The following VPS13B variants were observed in gnomAD, a reference collection of about 807,000 sequenced individuals.
VPS13B encodes the protein intermembrane lipid transfer protein VPS13B.
Under a neutral mutation model 426.4 loss-of-function variants are expected in VPS13B, and 285 were observed. The ratio of observed to expected loss-of-function variants is 0.67; its 90% confidence interval spans 0.61 to 0.74. The LOEUF is 0.74. VPS13B is among the 30% of genes least tolerant of loss of function. The pLI is 0.00. For synonymous variants in VPS13B, 1,676 were observed against 1,676.4 expected (o/e 1.00, Z 0.01); for missense variants, 4,537 against 4,782.6 (o/e 0.95, Z 1.51).
intron 31 of VPS13B, among the ~76,000 whole-genome samples, chr8:99,567,386 T>C (rs968020613): frequency 6.6e-6 from 1 of 152,096 alleles, no homozygotes; most frequent in Non-Finnish European, 1.5e-5. Flanking sequence ...CTTCTAGATA[T>C]TGTAATAAAT....
chr8:99,638,552 A>G (rs901427447), intron 33 of VPS13B, among the ~76,000 whole-genome samples: 1 of 152,194 alleles, frequency 6.6e-6, no homozygotes. Flanking sequence ...AGTCTTCACA[A>G]AGAAGGTGAA....
intron 21 of VPS13B, among the ~76,000 whole-genome samples, chr8:99,414,693 A>G (rs1041883298): frequency 1.7e-4 from 26 of 152,154 alleles, no homozygotes; most frequent in Admixed American, 6.5e-4. Context: ...CTTTGGCTGG[A>G]TATGAAATTT....
intron 19 of VPS13B, among the ~76,000 whole-genome samples, chr8:99,277,458 G>A (rs1395718748): frequency 2.0e-5 from 3 of 151,988 alleles, no homozygotes; most frequent in African/African-American, 7.2e-5. Flanking sequence ...TTAATCTTAT[G>A]TTCTTGTAAC....
In VPS13B at chr8:99,876,069, A is replaced by C. The variant is rs1817686148; in HGVS notation, c.*403A>C. ...ATTTTTGCTCTATGACACTTGCAAA[A>C]ATCTCTACTGTAATTAATTTGGGTC... On this transcript the variant is annotated 3_prime_UTR_variant, in exon 62 of 62. Coordinates refer to ENST00000357162, the MANE Select transcript of VPS13B (RefSeq NM_152564.5). 1 of 221,804 alleles carries C rather than the reference A, an allele frequency of 4.5e-6. No homozygotes were observed. The highest frequency in any genetic ancestry group is 8.8e-6 in the Non-Finnish European group (1 of 113,284). The allele number at this position is 221,804 out of a possible 1,614,324, so 13.7% of individuals were successfully genotyped here.
chr8:99,617,107 A>G (rs1828128886), intron 33 of VPS13B, among the ~76,000 whole-genome samples: 1 of 152,190 alleles, frequency 6.6e-6, no homozygotes, highest in Non-Finnish European at 1.5e-5. Context: ...AGATACACAT[A>G]TACACAAAAA....
At position 99,677,573 on chromosome 8, in the gene VPS13B, A is replaced by G. The variant is rs151304548; in HGVS notation, c.6046+16082A>G. On this transcript the variant is annotated intron_variant, in intron 35 of 61. Coordinates refer to ENST00000357162, the MANE Select transcript of VPS13B (RefSeq NM_152564.5). The stretch of plus-strand genomic sequence containing the variant: ...ACTTTTATTTTAGGAAGAAATGAGA[A>G]AAATTACCTAGCTGAAAATGGTGCC... Among the ~76,000 whole-genome samples the G allele has an allele frequency of 2.7e-3, 417 of 152,318 alleles. 3 individuals are homozygous for G. The highest frequency in any genetic ancestry group is 9.8e-3 in the African/African-American group (407 of 41,560).
chr8:99,381,697 A>G (rs978949098), intron 19 of VPS13B, among the ~76,000 whole-genome samples: 62 of 151,088 alleles, frequency 4.1e-4, no homozygotes, highest in African/African-American at 1.5e-3. Flanking sequence ...GGCCATATGT[A>G]TATCTTCTTT....
At chr8:99,754,214 T>C (rs1296437621) in intron 39 of VPS13B, among the ~76,000 whole-genome samples, 1 of 152,052 alleles carries the variant, frequency 6.6e-6, no homozygotes, top group Non-Finnish European at 1.5e-5. Flanking sequence ...GCTAAAACTT[T>C]TGAGATTGCA....
At chr8:99,122,991 C>T (rs1848019754) in intron 8 of VPS13B, among the ~76,000 whole-genome samples, 1 of 151,472 alleles carries the variant, frequency 6.6e-6, no homozygotes, top group Non-Finnish European at 1.5e-5. Flanking sequence ...CGTGGTGACG[C>T]ATGCCTGTAA....
intron 35 of VPS13B, among the ~76,000 whole-genome samples, chr8:99,673,388 A>C (rs573749167): frequency 6.6e-6 from 1 of 152,088 alleles, no homozygotes; most frequent in East Asian, 1.9e-4. Context: ...TTTATCCATT[A>C]GGTTATTCAA....
chr8:99,016,586 C>CTTTTTTT (rs754060289), intron 2 of VPS13B, among the ~76,000 whole-genome samples: 11 of 60,750 alleles, frequency 1.8e-4, no homozygotes, highest in Non-Finnish European at 2.4e-4. Flanking sequence ...TATAGGAATT[C>CTTTTTTT]TTTTTTTTTT....
chr8:99,336,514 G>A (rs1231420509), intron 19 of VPS13B, among the ~76,000 whole-genome samples: 1 of 152,138 alleles, frequency 6.6e-6, no homozygotes, highest in African/African-American at 2.4e-5. Context: ...ATTGACAAAT[G>A]GGATCTAATG....
intron 17 of VPS13B, among the ~76,000 whole-genome samples, chr8:99,246,055 G>T (rs1312005985): frequency 6.6e-6 from 1 of 152,070 alleles, no homozygotes; most frequent in Non-Finnish European, 1.5e-5. Context: ...ACTGTGTCTC[G>T]CTTTCTCAAC....
chr8:99,845,213 A>G (rs1274786644), intron 54 of VPS13B, among the ~76,000 whole-genome samples: 3 of 152,146 alleles, frequency 2.0e-5, no homozygotes, highest in African/African-American at 7.2e-5. Flanking sequence ...TATGCTGCCT[A>G]TCATAAGCCT....
At chr8:99,459,297 A>G (rs1437078615) in intron 23 of VPS13B, among the ~76,000 whole-genome samples, 1 of 152,140 alleles carries the variant, frequency 6.6e-6, no homozygotes, top group East Asian at 1.9e-4. Context: ...CTGTCTAATT[A>G]TTCTATCAAT....
At chr8:99,587,387 G>A (rs1826360425) in intron 33 of VPS13B, among the ~76,000 whole-genome samples, 1 of 149,842 alleles carries the variant, frequency 6.7e-6, no homozygotes, top group Admixed American at 6.6e-5. Context: ...AGATCCTTGA[G>A]GAATCGCCAC....
intron 35 of VPS13B, among the ~76,000 whole-genome samples, chr8:99,688,232 A>G (rs1181712370): frequency 6.6e-6 from 1 of 151,366 alleles, no homozygotes; most frequent in Non-Finnish European, 1.5e-5. Flanking sequence ...GCCACTCAGA[A>G]TTGCATTTAA....
Position 99,776,853 on chromosome 8 carries a change from T to C in VPS13B, c.7326T>C (p.Val2442=). Residue 2442 remains valine, a synonymous_variant, in exon 41 of 62, where the codon GTT becomes GTC. Transcript: ENST00000357162. ...TPTALAACTR[V]DSCFTPWFVP... ...CAGCCCTGGCTGCCTGTACCAGAGT[T>C]GACTCCTGCTTTACCCCATGGTTTG... is the stretch of plus-strand genomic sequence containing the variant. 1 of 1,614,144 alleles carries C rather than the reference T, an allele frequency of 6.2e-7. No individual in the cohort carries two copies. Among genetic ancestry groups the C allele is most frequent in the Admixed American group, 1.7e-5 (1 of 60,012 alleles).
chr8:99,713,487 A>C (rs975897083), intron 36 of VPS13B, among the ~76,000 whole-genome samples: 9 of 152,232 alleles, frequency 5.9e-5, no homozygotes, highest in African/African-American at 2.2e-4. Flanking sequence ...GTTACAAATA[A>C]GGAAGGCGAG....
Sources: allele counts gnomAD v4.1 joint callset (sites outside exome capture counted in the v4.1 genomes callset), GRCh38; gene constraint gnomAD v4.1.1; transcripts MANE v1.5; gene names NCBI Gene and HGNC (gene_info 2026-07-23, HGNC 2026-07-21).